The following RBFOX1 variants were observed in gnomAD, a reference collection of about 807,000 sequenced individuals.
RBFOX1 encodes the protein RNA binding protein fox-1 homolog 1.
RBFOX1 carries 8 observed loss-of-function variants against 57.7 expected under a neutral mutation model. The observed-to-expected ratio is 0.14, with a 90% CI of 0.08 to 0.25. RBFOX1 has a LOEUF of 0.25. Ranked by LOEUF, RBFOX1 falls within the 10% of genes least tolerant of loss-of-function variation. RBFOX1 has a pLI of 1.00. For missense variants in RBFOX1, 611 were observed against 548.5 expected, an observed-to-expected ratio of 1.11 and a Z score of -1.14; for synonymous variants, 326 against 222.4, an observed-to-expected ratio of 1.47 and a Z score of -4.15.
intron 3 of RBFOX1, among the ~76,000 whole-genome samples, chr16:6,794,302 A>G (rs1218555544): frequency 2.1e-5 from 1 of 47,842 alleles, no homozygotes; most frequent in African/African-American, 5.8e-5. Context: ...TTTTTTTTTT[A>G]CAATGAAGGC....
chr16:5,679,821 C>T (rs1033814126), intron 3 of RBFOX1, among the ~76,000 whole-genome samples: 2 of 152,136 alleles, frequency 1.3e-5, no homozygotes, highest in African/African-American at 2.4e-5. Flanking sequence ...ATTTCTGTCT[C>T]CTTTATAATT....
intron 2 of RBFOX1, among the ~76,000 whole-genome samples, chr16:6,623,948 G>T (rs1012593219): frequency 6.6e-6 from 1 of 152,154 alleles, no homozygotes; most frequent in Non-Finnish European, 1.5e-5. Flanking sequence ...AATCCTTTGG[G>T]TATATACCCA....
chr16:7,595,769 T>C, intron 8 of RBFOX1, 128 bp downstream of exon 8: 3 of 342,320 alleles, frequency 8.8e-6, no homozygotes, highest in Non-Finnish European at 1.4e-5. Flanking sequence ...TATATATATA[T>C]ATATATTTTT....
At chr16:7,151,113 C>T (rs1173429538) in intron 4 of RBFOX1, among the ~76,000 whole-genome samples, 2 of 152,142 alleles carry the variant, frequency 1.3e-5, no homozygotes, top group Admixed American at 6.5e-5. Flanking sequence ...TTTTATTAAG[C>T]TCCAACCAGC....
intron 3 of RBFOX1, among the ~76,000 whole-genome samples, chr16:5,772,768 G>T (rs542285994): frequency 2.6e-5 from 4 of 152,284 alleles, no homozygotes; most frequent in African/African-American, 9.6e-5. Flanking sequence ...CTTACATTCT[G>T]ATTGGCAGAG....
intron 4 of RBFOX1, among the ~76,000 whole-genome samples, chr16:7,097,112 G>T (rs1647533737): frequency 6.6e-6 from 1 of 152,074 alleles, no homozygotes; most frequent in African/African-American, 2.4e-5. Flanking sequence ...CAAAAAATGT[G>T]CTTGGGAAAT....
rs939361097 is a variant in RBFOX1 at position 6,454,257 on chromosome 16, A to G, written c.-64+137200A>G. ...AGTATGCCATTCAGCACATCACAAC[A>G]GGATAGAAAATTTTTATAATTACAG... On this transcript the variant is annotated intron_variant, in intron 2 of 15. Transcript: ENST00000550418. Among the ~76,000 whole-genome samples, 7 of 152,302 alleles carry G rather than the reference A, an allele frequency of 4.6e-5. No individual in the cohort carries two copies. In the Middle Eastern group the frequency reaches 0.014, roughly 296 times the overall value.
intron 1 of RBFOX1, among the ~76,000 whole-genome samples, chr16:6,110,643 C>T (rs1310953824): frequency 1.3e-5 from 2 of 152,276 alleles, no homozygotes; most frequent in Admixed American, 1.3e-4. Flanking sequence ...GGACACTCCA[C>T]GAGTGGCATG....
At chr16:6,021,429 C>A (rs1193086073) in intron 1 of RBFOX1, among the ~76,000 whole-genome samples, 1 of 152,136 alleles carries the variant, frequency 6.6e-6, no homozygotes, top group Non-Finnish European at 1.5e-5. Flanking sequence ...GAGCTACTGG[C>A]AGATTTATTT....
chr16:6,747,297 C>T (rs2073904649), intron 3 of RBFOX1, among the ~76,000 whole-genome samples: 2 of 152,056 alleles, frequency 1.3e-5, no homozygotes, highest in Admixed American at 1.3e-4. Flanking sequence ...ATCCCAGCTA[C>T]TCAAGAGGCT....
At chr16:6,432,569 C>T (rs1361783658) in intron 2 of RBFOX1, among the ~76,000 whole-genome samples, 1 of 151,544 alleles carries the variant, frequency 6.6e-6, no homozygotes, top group African/African-American at 2.4e-5. Context: ...GTAATCCCAG[C>T]TTCTGGGGAG....
intron 4 of RBFOX1, among the ~76,000 whole-genome samples, chr16:7,166,621 C>T (rs1276897104): frequency 6.6e-6 from 1 of 152,036 alleles, no homozygotes; most frequent in Non-Finnish European, 1.5e-5. Context: ...ATGGACTGGC[C>T]CTCCTTCGAC....
intron 2 of RBFOX1, among the ~76,000 whole-genome samples, chr16:6,330,796 G>A (rs2082929714): frequency 6.6e-6 from 1 of 152,348 alleles, no homozygotes; most frequent in Non-Finnish European, 1.5e-5. Flanking sequence ...TGATAAGAAT[G>A]TATGCAGTGT....
intron 4 of RBFOX1, among the ~76,000 whole-genome samples, chr16:7,165,438 T>A (rs1250765854): frequency 1.6e-5 from 2 of 123,624 alleles, no homozygotes; most frequent in Non-Finnish European, 3.4e-5. Flanking sequence ...TATTATTATT[T>A]TACCATTTGA....
chr16:7,182,670 C>T (rs2082953716), intron 4 of RBFOX1, among the ~76,000 whole-genome samples: 1 of 152,136 alleles, frequency 6.6e-6, no homozygotes, highest in Admixed American at 6.5e-5. Flanking sequence ...GGAAGAGCGG[C>T]AGGAAGTACG....
chr16:7,565,777 T>G (rs2091526394), intron 5 of RBFOX1, among the ~76,000 whole-genome samples: 1 of 152,140 alleles, frequency 6.6e-6, no homozygotes, highest in South Asian at 2.1e-4. Flanking sequence ...AAGTACACTT[T>G]TTATTTATCA....
At chr16:6,127,208 T>C (rs1226374461) in intron 1 of RBFOX1, among the ~76,000 whole-genome samples, 2 of 151,872 alleles carry the variant, frequency 1.3e-5, no homozygotes, top group African/African-American at 4.8e-5. Flanking sequence ...CTGCCCTAGA[T>C]GGAGTCAAAG....
chr16:6,810,468 T>G lies in RBFOX1; in HGVS notation c.-16+155818T>G, dbSNP rs745910653. 2.6e-5 allele frequency among the ~76,000 whole-genome samples: 4 copies of G among 152,138 alleles called. No homozygotes were observed. The East Asian group carries it at 7.7e-4, about 29-fold the overall frequency. Reference sequence around the variant, plus strand: ...ATGGCGACACAAAGGTATCTAATTTTCCGTTCATGGCACCGTTCATGAGTC... The same window carrying G: ...ATGGCGACACAAAGGTATCTAATTTGCCGTTCATGGCACCGTTCATGAGTC... On this transcript the variant is annotated intron_variant, in intron 3 of 15. Coordinates refer to ENST00000550418, the MANE Select transcript of RBFOX1 (RefSeq NM_018723.4).
At position 7,713,005 on chromosome 16, in the gene RBFOX1, T is replaced by C. The variant is rs1232227396; in HGVS notation, c.*2260T>C. On this transcript the variant is annotated 3_prime_UTR_variant, in exon 16 of 16. Coordinates refer to ENST00000550418, the MANE Select transcript of RBFOX1 (RefSeq NM_018723.4). Reference sequence around the variant, plus strand: ...TTTAGAGTGAGTGAGTGCCAACCGATGTTGCAGAATCTTTTGTCTAGGCAC... The same window carrying C: ...TTTAGAGTGAGTGAGTGCCAACCGACGTTGCAGAATCTTTTGTCTAGGCAC... 1 of 152,232 alleles carries C rather than the reference T, an allele frequency of 6.6e-6. No individual in the cohort carries two copies. Among genetic ancestry groups the C allele is most frequent in the African/African-American group, 2.4e-5 (1 of 41,464 alleles). 9.4% of individuals were successfully genotyped at this position (152,232 alleles called of 1,614,324 possible). A position where few individuals can be genotyped will look rare whatever the true frequency, so the allele number is the denominator to read the frequency against.
Sources: gnomAD v4.1 joint callset for allele counts (sites outside exome capture counted in the v4.1 genomes callset) on GRCh38, gnomAD v4.1.1 for gene constraint, MANE v1.5 for transcripts, NCBI Gene and HGNC (gene_info 2026-07-23, HGNC 2026-07-21) for gene names.